Variants in CEP128 observed in about 807,000 individuals in gnomAD.
CEP128 encodes the protein centrosomal protein 128kDa.
A neutral mutation model predicts 156.7 loss-of-function variants in CEP128; 132 were observed. The ratio of observed to expected loss-of-function variants is 0.84; its 90% CI spans 0.73 to 0.97. The LOEUF is 0.97. Ranked by LOEUF, CEP128 falls within the 50% of genes least tolerant of loss-of-function variation. The pLI is 0.00. For synonymous variants in CEP128, 469 were observed against 448.9 expected, an observed-to-expected ratio of 1.04 and a Z score of -0.57; for missense variants, 1,252 against 1,281.9, an observed-to-expected ratio of 0.98 and a Z score of 0.36.
intron 19 of CEP128, among the ~76,000 whole-genome samples, chr14:80,644,160 C>T (rs1358603520): frequency 6.6e-6 from 1 of 152,206 alleles, no homozygotes; most frequent in Non-Finnish European, 1.5e-5. Context: ...TTCCCTACAG[C>T]CTGCAGAGCA....
In CEP128 at chr14:80,497,465, T is replaced by G. The variant is rs1887539270; in HGVS notation, c.*14A>C. 1.3e-6 allele frequency: 2 copies of G among 1,540,742 alleles called. No individual in the cohort carries two copies. The highest frequency in any genetic ancestry group is 1.8e-6 in the Non-Finnish European group (2 of 1,116,852). On this transcript the variant is annotated 3_prime_UTR_variant, in exon 25 of 25. Coordinates refer to ENST00000555265, the MANE Select transcript of CEP128 (RefSeq NM_152446.5). ...TAACATACTCATGTAAAATAACAAA[T>G]TACATTTGCTTTTTTAGCTCCCATA...
At chr14:80,938,364 A>G (rs1419439042) in intron 2 of CEP128, among the ~76,000 whole-genome samples, 2 of 149,298 alleles carry the variant, frequency 1.3e-5, no homozygotes, top group Non-Finnish European at 1.5e-5. Context: ...CTCCTGCCTC[A>G]GCCTCCCAAG....
intron 13 of CEP128, among the ~76,000 whole-genome samples, chr14:80,795,212 G>T (rs1883393896): frequency 6.6e-6 from 1 of 152,136 alleles, no homozygotes; most frequent in Non-Finnish European, 1.5e-5. Context: ...CACTGCCATG[G>T]TTTTATCTTG....
intron 1 of CEP128, among the ~76,000 whole-genome samples, 188 bp downstream of exon 1, chr14:80,941,393 G>A (rs1042576720): frequency 1.3e-5 from 2 of 152,242 alleles, no homozygotes; most frequent in Admixed American, 6.5e-5. Flanking sequence ...GAGGGAGGGA[G>A]GCCTCGGGAT....
chr14:80,481,781 G>A (rs1887058797), intron 14 of CEP128, among the ~76,000 whole-genome samples: 1 of 152,220 alleles, frequency 6.6e-6, no homozygotes, highest in Non-Finnish European at 1.5e-5. Context: ...ACCAGACACT[G>A]TGGTTTTAAA....
Position 80,905,959 on chromosome 14 carries a change from C to T in CEP128, c.357G>A (p.Gly119=). Residue 119 remains glycine, a synonymous_variant, in exon 5 of 25, where the codon GGG becomes GGA. Transcript: ENST00000555265. ...LSASDLDGGT[G]SELHHFPPTS... ...CAGAACATTTGAAGTGTTTACCTGA[C>T]CCAGTGCCACCATCAAGGTCACTTG... 6.2e-7 allele frequency: 1 copy of T among 1,611,920 alleles called. No homozygotes were observed. The highest frequency in any genetic ancestry group is 1.1e-5 in the South Asian group (1 of 90,526).
At chr14:80,955,664 C>T in intron 2 of CEP128, 2 of 1,613,572 alleles carry the variant, frequency 1.2e-6, no homozygotes, top group East Asian at 4.5e-5. Flanking sequence ...GAGAAATAGC[C>T]CCGAGTCCCG....
intron 19 of CEP128, among the ~76,000 whole-genome samples, chr14:80,637,376 A>C (rs1699818433): frequency 6.6e-6 from 1 of 152,220 alleles, no homozygotes; most frequent in South Asian, 2.1e-4. Context: ...AAAGAGAAGC[A>C]GAAGAGCCAG....
chr14:80,738,455 C>G (rs1366788787), intron 19 of CEP128, among the ~76,000 whole-genome samples: 1 of 152,084 alleles, frequency 6.6e-6, no homozygotes, highest in Non-Finnish European at 1.5e-5. Context: ...ACACTATTGA[C>G]AGATCCAAAA....
intron 14 of CEP128, among the ~76,000 whole-genome samples, chr14:80,785,870 C>T (rs1309016508): frequency 1.3e-5 from 2 of 152,044 alleles, no homozygotes; most frequent in African/African-American, 4.8e-5. Context: ...CAAAGACTCT[C>T]ATTATAAAGA....
intron 21 of CEP128, among the ~76,000 whole-genome samples, chr14:80,533,769 A>G (rs1889344898): frequency 6.6e-6 from 1 of 152,148 alleles, no homozygotes; most frequent in Non-Finnish European, 1.5e-5. Flanking sequence ...ATTGCTTATA[A>G]ATATCTTCCT....
At chr14:80,868,041 A>T (rs1300625781) in intron 8 of CEP128, among the ~76,000 whole-genome samples, 1 of 152,138 alleles carries the variant, frequency 6.6e-6, no homozygotes, top group African/African-American at 2.4e-5. Flanking sequence ...GGAGAGAATG[A>T]GATGATAAAT....
chr14:80,590,307 T>G (rs2140481168), intron 19 of CEP128, among the ~76,000 whole-genome samples: 1 of 152,218 alleles, frequency 6.6e-6, no homozygotes. Flanking sequence ...TGAAGATGCT[T>G]CATAGAGTTC....
chr14:80,791,489 A>G (rs1166653223), intron 14 of CEP128, among the ~76,000 whole-genome samples: 1 of 152,246 alleles, frequency 6.6e-6, no homozygotes, highest in Non-Finnish European at 1.5e-5. Context: ...CTAATTAAGT[A>G]AAACCTCCAG....
chr14:80,668,146 T>C (rs776569658), intron 19 of CEP128, among the ~76,000 whole-genome samples: 7 of 152,182 alleles, frequency 4.6e-5, no homozygotes, highest in Non-Finnish European at 7.3e-5. Flanking sequence ...AATGTTTAAA[T>C]GAGTCTGATT....
chr14:80,629,050 T>C lies in CEP128; in HGVS notation c.2807-48627A>G, dbSNP rs1273102530. 5.7e-5 allele frequency among the ~76,000 whole-genome samples: 3 copies of C among 52,970 alleles called. No homozygotes were observed. In the East Asian group the frequency reaches 3.0e-3, roughly 52 times the overall value. The allele number at this position is 52,970 out of a possible 152,430, so 34.8% of individuals were successfully genotyped here. On this transcript the variant is annotated intron_variant, in intron 19 of 24. Coordinates refer to ENST00000555265, the MANE Select transcript of CEP128 (RefSeq NM_152446.5). ...CTCCCTTTTTAAACTCAAGCCTGTT[T>C]AAGAAAAAAAAAAAAAACAAACGGG...
chr14:80,736,330 C>T lies in CEP128; in HGVS notation c.2806+6745G>A, dbSNP rs778755448. Among the ~76,000 whole-genome samples, 123 of 151,740 alleles carry T rather than the reference C, an allele frequency of 8.1e-4. 1 individual carries two copies. The highest frequency in any genetic ancestry group is 1.7e-3 in the Non-Finnish European group (118 of 67,934). ...TACTTAGTAACCTAAAAGCTCAAAT[C>T]GAATCTATTTTAGCACAAGGAGCTT... On this transcript the variant is annotated intron_variant, in intron 19 of 24. Coordinates refer to ENST00000555265, the MANE Select transcript of CEP128 (RefSeq NM_152446.5).
At chr14:80,857,206 T>C (rs1275812734) in intron 9 of CEP128, among the ~76,000 whole-genome samples, 2 of 135,252 alleles carry the variant, frequency 1.5e-5, no homozygotes, top group African/African-American at 5.2e-5. Context: ...GCAAAAAAAG[T>C]GGTTTTGGCT....
At chr14:80,729,120 T>TGTGTGTGTGTGTGTGTGTGTGTGC (rs1367468015) in intron 19 of CEP128, among the ~76,000 whole-genome samples, 2 of 97,766 alleles carry the variant, frequency 2.0e-5, no homozygotes, top group African/African-American at 5.9e-5. Flanking sequence ...TGTGTGTGTG[T>TGTGTGTGTGTGTGTGTGTGTGTGC]GTGTGTGTTT....
Sources: allele counts gnomAD v4.1 joint callset (sites outside exome capture counted in the v4.1 genomes callset), GRCh38; gene constraint gnomAD v4.1.1; transcripts MANE v1.5; gene names NCBI Gene and HGNC (gene_info 2026-07-23, HGNC 2026-07-21).